The following CORO2B variants were observed in gnomAD, a reference collection of about 807,000 sequenced individuals.
CORO2B encodes coronin-2B.
Under a neutral mutation model 58.8 loss-of-function variants are expected in CORO2B, and 26 were observed. That is an observed-to-expected ratio of 0.44 (90% CI 0.32 to 0.61). The LOEUF (loss-of-function observed/expected upper bound fraction) is 0.61. Among genes scored for constraint, CORO2B ranks in the 20% least tolerant of loss-of-function variants. The pLI is 0.04. For missense variants in CORO2B, 460 were observed against 645.1 expected (o/e 0.71, Z 3.11); for synonymous variants, 242 against 253.8 (o/e 0.95, Z 0.44).
the CORO2B span, among the ~76,000 whole-genome samples, chr15:68,531,550 AGGAAGG>A: frequency 1.8e-5 from 1 of 56,768 alleles, no homozygotes; most frequent in Admixed American, 1.9e-4. Context: ...GAAGGAAGGA[AGGAAGG>A]AAAGAAAGAG....
chr15:68,608,019 T>C (rs1223888286), intron 1 of CORO2B, among the ~76,000 whole-genome samples: 1 of 152,204 alleles, frequency 6.6e-6, no homozygotes, highest in Non-Finnish European at 1.5e-5. Flanking sequence ...GGGGTCTACA[T>C]GGGCTCAGCT....
chr15:68,571,428 C>T, the CORO2B span, among the ~76,000 whole-genome samples: 1 of 152,130 alleles, frequency 6.6e-6, no homozygotes, highest in Non-Finnish European at 1.5e-5. Context: ...AGAAATTAGC[C>T]AGGAATGACA....
At chr15:68,532,134 G>GT in the CORO2B span, among the ~76,000 whole-genome samples, 1 of 151,926 alleles carries the variant, frequency 6.6e-6, no homozygotes, top group Non-Finnish European at 1.5e-5. Context: ...TACCTTTGGG[G>GT]TTTTTTGTTT....
intron 1 of CORO2B, among the ~76,000 whole-genome samples, chr15:68,594,934 G>A (rs186918189): frequency 6.6e-6 from 1 of 152,372 alleles, no homozygotes; most frequent in African/African-American, 2.4e-5. Flanking sequence ...CCTTAGGCAA[G>A]TTGTTAACCT....
At chr15:68,566,174 A>G in the CORO2B span, among the ~76,000 whole-genome samples, 3 of 152,132 alleles carry the variant, frequency 2.0e-5, no homozygotes, top group African/African-American at 4.8e-5. Flanking sequence ...CCCTCATAAC[A>G]TGGTAGGGTC....
At chr15:68,540,998 G>A in the CORO2B span, among the ~76,000 whole-genome samples, 3 of 152,324 alleles carry the variant, frequency 2.0e-5, no homozygotes, top group Admixed American at 2.0e-4. Context: ...GGGAGGCTGA[G>A]ATGGGCAAAT....
upstream of CORO2B, among the ~76,000 whole-genome samples, chr15:68,575,426 C>T (rs1899261699): frequency 1.4e-5 from 1 of 72,198 alleles, no homozygotes. Context: ...CAACCTCCGC[C>T]TCCCAAGTTC....
chr15:68,698,268 G>T (rs1892560984), intron 3 of CORO2B, among the ~76,000 whole-genome samples: 1 of 152,146 alleles, frequency 6.6e-6, no homozygotes, highest in East Asian at 1.9e-4. Flanking sequence ...TCTTACCCAG[G>T]GACCCAGCTA....
chr15:68,630,665 C>T (rs1900803838), intron 1 of CORO2B, among the ~76,000 whole-genome samples: 1 of 152,166 alleles, frequency 6.6e-6, no homozygotes, highest in East Asian at 1.9e-4. Context: ...CTGACTCAAG[C>T]TCTAGGATTT....
At chr15:68,535,466 G>A in the CORO2B span, among the ~76,000 whole-genome samples, 1 of 152,196 alleles carries the variant, frequency 6.6e-6, no homozygotes, top group Non-Finnish European at 1.5e-5. Context: ...GGTTAAATGA[G>A]ATGAAGTATG....
intron 1 of CORO2B, among the ~76,000 whole-genome samples, chr15:68,620,361 C>T (rs974304963): frequency 1.4e-4 from 21 of 152,182 alleles, no homozygotes; most frequent in African/African-American, 4.6e-4. Flanking sequence ...TTTAAATAAA[C>T]ATGGTTCGGG....
At chr15:68,722,378 T>C (rs1893181941) in intron 11 of CORO2B, among the ~76,000 whole-genome samples, 1 of 152,184 alleles carries the variant, frequency 6.6e-6, no homozygotes, top group Non-Finnish European at 1.5e-5. Flanking sequence ...GTTTTAATCA[T>C]CGTAGCAGTT....
intron 1 of CORO2B, among the ~76,000 whole-genome samples, chr15:68,596,063 G>C (rs1899822738): frequency 6.6e-6 from 1 of 152,106 alleles, no homozygotes; most frequent in African/African-American, 2.4e-5. Context: ...GTGGCTTGCG[G>C]GGAGGTGGGA....
chr15:68,533,797 A>G, the CORO2B span, among the ~76,000 whole-genome samples: 5 of 152,368 alleles, frequency 3.3e-5, no homozygotes, highest in African/African-American at 1.2e-4. Context: ...AGAATATTCA[A>G]CTGAAACATC....
intron 2 of CORO2B, among the ~76,000 whole-genome samples, chr15:68,646,060 C>T (rs569035979): frequency 1.6e-4 from 25 of 152,218 alleles, no homozygotes; most frequent in African/African-American, 5.1e-4. Flanking sequence ...AGGCATGAGC[C>T]ACTGCACCTG....
intron 1 of CORO2B, among the ~76,000 whole-genome samples, chr15:68,587,852 C>G (rs1047019830): frequency 6.6e-6 from 1 of 152,182 alleles, no homozygotes; most frequent in African/African-American, 2.4e-5. Context: ...CAGCCTGCCT[C>G]GCAGGCCTTC....
At chr15:68,632,343 T>C (rs551809377) in intron 1 of CORO2B, 1 of 985,244 alleles carries the variant, frequency 1.0e-6, no homozygotes, top group East Asian at 1.1e-4. Flanking sequence ...CCCCACCTGG[T>C]AGGTAGCAGT....
At chr15:68,557,295 C>A in the CORO2B span, among the ~76,000 whole-genome samples, 4 of 152,030 alleles carry the variant, frequency 2.6e-5, no homozygotes, top group East Asian at 5.8e-4. Context: ...CATAGCAGAG[C>A]TGAGGTTCTG....
In CORO2B at chr15:68,713,916, T is replaced by A; in HGVS notation, c.649-9T>A. 6.2e-7 allele frequency: 1 copy of A among 1,609,152 alleles called. No homozygotes were observed. The highest frequency in any genetic ancestry group is 8.5e-7 in the Non-Finnish European group (1 of 1,175,764). ...ACCCTGGCTCACCACCTCCCTCTGT[T>A]CCTACTAGGAGGCCAACTGCAAAAA... is the stretch of plus-strand genomic sequence containing the variant. On this transcript the variant is annotated splice_polypyrimidine_tract_variant and intron_variant, in intron 5 of 11. Coordinates refer to ENST00000261861, the MANE Select transcript of CORO2B (RefSeq NM_006091.5).
Sources: gnomAD v4.1 joint callset for allele counts (sites outside exome capture counted in the v4.1 genomes callset) on GRCh38, gnomAD v4.1.1 for gene constraint, MANE v1.5 for transcripts, NCBI Gene and HGNC (gene_info 2026-07-23, HGNC 2026-07-21) for gene names.